The following NARS2 variants were observed in gnomAD, a reference collection of about 807,000 sequenced individuals.
NARS2 encodes asparaginyl-tRNA synthetase 2, mitochondrial.
NARS2 carries 60 observed loss-of-function variants against 62.9 expected under a neutral mutation model. That is an observed-to-expected ratio of 0.95 (90% CI 0.77 to 1.18). NARS2 has a LOEUF of 1.18. NARS2 is among the 50% of genes most tolerant of loss of function. The probability of loss-of-function intolerance (pLI) is 0.00; values close to 1 mark genes in which losing one functional copy is unlikely to be tolerated. For missense variants in NARS2, 619 were observed against 576.4 expected (o/e 1.07, Z -0.76); for synonymous variants, 196 against 200.0 (o/e 0.98, Z 0.17).
chr11:78,549,524 A>C (rs1267827737), intron 5 of NARS2, among the ~76,000 whole-genome samples: 2 of 152,220 alleles, frequency 1.3e-5, no homozygotes, highest in Non-Finnish European at 2.9e-5. Context: ...GATAAAGGCT[A>C]AACTGTAGAT....
intron 11 of NARS2, among the ~76,000 whole-genome samples, chr11:78,465,088 G>A (rs541595367): frequency 6.6e-6 from 1 of 152,330 alleles, no homozygotes; most frequent in Non-Finnish European, 1.5e-5. Context: ...CTCAGGCATG[G>A]GGGGCTGCAG....
At chr11:78,441,502 A>T (rs560168306) in intron 12 of NARS2, among the ~76,000 whole-genome samples, 6 of 152,278 alleles carry the variant, frequency 3.9e-5, no homozygotes, top group Admixed American at 2.0e-4. Context: ...ACTTGAGATC[A>T]GGATTCCAGA....
At chr11:78,548,087 T>C (rs548255358) in intron 5 of NARS2, among the ~76,000 whole-genome samples, 1 of 152,260 alleles carries the variant, frequency 6.6e-6, no homozygotes, top group South Asian at 2.1e-4. Flanking sequence ...TGGTGGTGTG[T>C]GCCTGCAGTC....
chr11:78,547,590 C>A (rs764608515), intron 5 of NARS2, among the ~76,000 whole-genome samples: 14 of 152,104 alleles, frequency 9.2e-5, no homozygotes, highest in Non-Finnish European at 2.1e-4. Flanking sequence ...GTAATCCCAG[C>A]ATTTTGGGAG....
intron 3 of NARS2, among the ~76,000 whole-genome samples, chr11:78,566,585 GTTAGGA>G (rs1306601543): frequency 6.6e-6 from 1 of 152,142 alleles, no homozygotes; most frequent in East Asian, 1.9e-4. Context: ...CTACAAATAG[GTTAGGA>G]TTAATTATGC....
chr11:78,441,000 TC>T, intron 13 of NARS2, 90 bp downstream of exon 13: 1 of 1,151,096 alleles, frequency 8.7e-7, no homozygotes, highest in Non-Finnish European at 1.3e-6. Context: ...TAACACTCTT[TC>T]ATGGGGTCTT....
At chr11:78,460,166 A>G (rs923570049) in intron 11 of NARS2, among the ~76,000 whole-genome samples, 8 of 152,222 alleles carry the variant, frequency 5.3e-5, no homozygotes, top group African/African-American at 1.7e-4. Context: ...ACACAGCCAC[A>G]TTCTACTAGG....
intron 5 of NARS2, among the ~76,000 whole-genome samples, chr11:78,557,692 T>C (rs1370751413): frequency 6.6e-6 from 1 of 152,066 alleles, no homozygotes; most frequent in African/African-American, 2.4e-5. Flanking sequence ...TTCTCATTTG[T>C]TTAGCTTCAG....
intron 6 of NARS2, among the ~76,000 whole-genome samples, chr11:78,494,624 T>G (rs756428235): frequency 1.1e-4 from 16 of 152,076 alleles, no homozygotes; most frequent in Non-Finnish European, 2.2e-4. Context: ...ACAGCTACCT[T>G]CCTAAGACCA....
At chr11:78,472,896 A>T (rs1360723783) in intron 9 of NARS2, among the ~76,000 whole-genome samples, 2 of 152,226 alleles carry the variant, frequency 1.3e-5, no homozygotes, top group African/African-American at 4.8e-5. Flanking sequence ...TCTATTTCTC[A>T]ACTTGATACC....
intron 6 of NARS2, among the ~76,000 whole-genome samples, chr11:78,502,876 C>T (rs1459103269): frequency 1.3e-5 from 2 of 150,392 alleles, no homozygotes; most frequent in Admixed American, 6.6e-5. Flanking sequence ...CCACTGTAAT[C>T]CCAGCTACTT....
At chr11:78,527,365 G>T (rs999129941) in intron 6 of NARS2, among the ~76,000 whole-genome samples, 3 of 152,278 alleles carry the variant, frequency 2.0e-5, no homozygotes, top group African/African-American at 7.2e-5. Flanking sequence ...GTAGGCATAA[G>T]AACATTCCAT....
At chr11:78,470,264 G>A (rs777584181) in intron 9 of NARS2, among the ~76,000 whole-genome samples, 27 of 152,092 alleles carry the variant, frequency 1.8e-4, no homozygotes, top group Non-Finnish European at 2.9e-4. Flanking sequence ...GTCAAAGCAA[G>A]TATTTGTTTT....
chr11:78,495,778 C>T (rs1860031589), intron 6 of NARS2, among the ~76,000 whole-genome samples: 2 of 152,202 alleles, frequency 1.3e-5, no homozygotes, highest in Non-Finnish European at 2.9e-5. Context: ...TCAACAATTA[C>T]AAGGCCCTGA....
At chr11:78,554,101 G>A (rs968168933) in intron 5 of NARS2, among the ~76,000 whole-genome samples, 1 of 152,092 alleles carries the variant, frequency 6.6e-6, no homozygotes, top group Non-Finnish European at 1.5e-5. Flanking sequence ...TGGTCTATGT[G>A]CCTGTTTTTG....
chr11:78,469,416 G>T (rs1858771555), intron 9 of NARS2, 103 bp from the exon 10 acceptor site: 1 of 776,734 alleles, frequency 1.3e-6, no homozygotes, highest in Non-Finnish European at 2.2e-6. Flanking sequence ...CACACTGTGA[G>T]GTCATGAATA....
At chr11:78,547,658 C>T (rs1855933603) in intron 5 of NARS2, among the ~76,000 whole-genome samples, 1 of 151,760 alleles carries the variant, frequency 6.6e-6, no homozygotes, top group Admixed American at 6.6e-5. Context: ...AATGGCAAAA[C>T]TCTGACTCTA....
chr11:78,505,649 T>C (rs74432304), intron 6 of NARS2, among the ~76,000 whole-genome samples: 4,430 of 152,240 alleles, frequency 0.029, 233 homozygotes, highest in African/African-American at 0.1. Context: ...ATTCAACAAA[T>C]ATTTATTAGA....
chr11:78,438,611 T>C (rs1245024594), intron 13 of NARS2, among the ~76,000 whole-genome samples: 1 of 152,220 alleles, frequency 6.6e-6, no homozygotes, highest in Non-Finnish European at 1.5e-5. Flanking sequence ...CTTTGATAGA[T>C]GAAAAAATCC....
Sources: allele counts gnomAD v4.1 joint callset (sites outside exome capture counted in the v4.1 genomes callset), GRCh38; gene constraint gnomAD v4.1.1; transcripts MANE v1.5; gene names NCBI Gene and HGNC (gene_info 2026-07-23, HGNC 2026-07-21).